Variants in TCF20 observed in about 807,000 individuals in gnomAD.
TCF20 encodes the protein SPRE-binding protein.
A neutral mutation model predicts 148.6 loss-of-function variants in TCF20; 3 were observed. That is an observed-to-expected ratio of 0.02 (90% CI 0.01 to 0.05). The LOEUF is 0.05. Among genes scored for constraint, TCF20 ranks in the 10% least tolerant of loss-of-function variants. TCF20 has a pLI of 1.00. For missense variants in TCF20, 2,350 were observed against 2,429.3 expected, an observed-to-expected ratio of 0.97 and a Z score of 0.69; for synonymous variants, 1,049 against 909.5, an observed-to-expected ratio of 1.15 and a Z score of -2.76.
intron 1 of TCF20, among the ~76,000 whole-genome samples, chr22:42,238,975 A>G (rs151300565): frequency 0.2 from 30,034 of 151,468 alleles, 3,149 homozygotes; most frequent in East Asian, 0.35. Flanking sequence ...AAAATTAGCC[A>G]GGTGTGATGG....
rs753278925 is a variant in TCF20 at position 42,209,693 on chromosome 22, C to G, written c.5613G>C (p.Arg1871Ser). The change falls in exon 2 of 6, where the codon AGG becomes AGC. Residue 1871 changes from arginine (R) to serine (S), a missense_variant. By Grantham distance (110) the Arg-to-Ser change is moderately radical (BLOSUM62 -1). Transcript: ENST00000677622. ...WANGIYLVCG[R>S]LYGLQEALEI... ...CCAGCGCTTCCTGCAGGCCATAGAG[C>G]CTGCCACAAACCAGGTAGATTCCAT... 2 of 1,614,150 alleles carry G rather than the reference C, an allele frequency of 1.2e-6. No homozygotes were observed. Among genetic ancestry groups the G allele is most frequent in the Non-Finnish European group, 1.7e-6 (2 of 1,179,984 alleles).
In TCF20 at chr22:42,183,652, C is replaced by A. The variant is rs143565445; in HGVS notation, c.5656-3950G>T. On this transcript the variant is annotated intron_variant, in intron 2 of 5. Coordinates refer to ENST00000677622, the MANE Select transcript of TCF20 (RefSeq NM_001378418.1). ...TAAGACACCTGTGTTGGACTTTGAA[C>A]CTACAGAACTGTAAGCAGAACTGTA... 4.6e-3 allele frequency among the ~76,000 whole-genome samples: 700 copies of A among 152,304 alleles called. 12 individuals are homozygous for A. The highest frequency in any genetic ancestry group is 0.016 in the African/African-American group (671 of 41,566).
intron 1 of TCF20, among the ~76,000 whole-genome samples, chr22:42,327,565 C>T (rs1358926310): frequency 6.6e-6 from 1 of 152,138 alleles, no homozygotes; most frequent in African/African-American, 2.4e-5. Context: ...AGACACTTCA[C>T]ACACATTCCC....
chr22:42,317,337 G>C lies in TCF20; in HGVS notation c.-37+26142C>G, dbSNP rs1927649622. Among the ~76,000 whole-genome samples the C allele has an allele frequency of 6.6e-6, 1 of 152,176 alleles. No homozygotes were observed. The highest frequency in any genetic ancestry group is 2.1e-4 in the South Asian group (1 of 4,834). ...ATTTCACCTCGCCCAGAAATTTACT[G>C]CAAGTTCTCAAGTCTCCCTAGAGTG... On this transcript the variant is annotated intron_variant, in intron 1 of 1. Coordinates refer to the TCF20 transcript ENST00000515426. This position sits in a 1 kb window ranked among gnomAD's most constrained non-coding sequence, Gnocchi z 4.2.
upstream of TCF20, chr22:42,274,624 A>G (rs138746881): frequency 2.2e-4 from 34 of 152,374 alleles, no homozygotes; most frequent in African/African-American, 8.2e-4. Context: ...GCCTTAGAGC[A>G]TTGACATGTT....
At chr22:42,198,719 T>G (rs911877129) in intron 2 of TCF20, among the ~76,000 whole-genome samples, 1 of 151,280 alleles carries the variant, frequency 6.6e-6, no homozygotes, top group African/African-American at 2.4e-5. Context: ...TGGAGTGCAG[T>G]GGCGTGATCT....
At chr22:42,324,104 T>C (rs376849086) in intron 1 of TCF20, among the ~76,000 whole-genome samples, 17 of 104,540 alleles carry the variant, frequency 1.6e-4, no homozygotes, top group South Asian at 3.3e-4. Context: ...GAGGTTATGG[T>C]GGTGGTGGTG....
At chr22:42,226,860 GAAAC>G (rs1922954552) in intron 1 of TCF20, among the ~76,000 whole-genome samples, 1 of 152,106 alleles carries the variant, frequency 6.6e-6, no homozygotes, top group Non-Finnish European at 1.5e-5. Flanking sequence ...CAAAAGGAAA[GAAAC>G]AAACTAGCAG....
At chr22:42,266,198 G>A (rs1440069097) in intron 1 of TCF20, among the ~76,000 whole-genome samples, 1 of 152,172 alleles carries the variant, frequency 6.6e-6, no homozygotes, top group African/African-American at 2.4e-5. Context: ...AGGCTCTGGA[G>A]CCAACAGCAG....
rs577322685 is a variant in TCF20, at chr22:42,338,861, G to A, written c.-37+4618C>T. On this transcript the variant is annotated intron_variant, in intron 1 of 1. Coordinates refer to the TCF20 transcript ENST00000515426. This position sits in a 1 kb window ranked among gnomAD's most constrained non-coding sequence, Gnocchi z 4.0. ...CCTTCAGATGCATTATAAATATAAA[G>A]GCTAAAATTCTGATTAAAGCCATAA... Among the ~76,000 whole-genome samples the A allele has an allele frequency of 6.6e-6, 1 of 152,238 alleles. No individual in the cohort carries two copies. The highest frequency in any genetic ancestry group is 2.1e-4 in the South Asian group (1 of 4,826).
rs59845847 is a variant in TCF20 at position 42,199,706 on chromosome 22, C to CAAAAAA, written c.5655+9939_5655+9944dup. On this transcript the variant is annotated intron_variant, in intron 2 of 5. Transcript: ENST00000677622. ...CTAACATGGCAAAACCCCATCTCTACAAAAAAAAAAAAAAAAAAAAAAAAA... is the reference window on the plus strand; with the variant it reads ...CTAACATGGCAAAACCCCATCTCTACAAAAAAAAAAAAAAAAAAAAAAAAAAAAAAA... Among the ~76,000 whole-genome samples the CAAAAAA allele has an allele frequency of 2.3e-3, 78 of 33,846 alleles. 10 individuals are homozygous for CAAAAAA. The highest frequency in any genetic ancestry group is 3.0e-3 in the Admixed American group (6 of 2,014). 22.2% of individuals were successfully genotyped at this position (33,846 alleles called of 152,430 possible).
At chr22:42,230,968 G>C (rs960489603) in intron 1 of TCF20, among the ~76,000 whole-genome samples, 3 of 152,120 alleles carry the variant, frequency 2.0e-5, no homozygotes, top group African/African-American at 7.2e-5. Flanking sequence ...AGACCAGCCT[G>C]GCCAACACGG....
chr22:42,211,179 C>G lies in TCF20; in HGVS notation c.4127G>C (p.Gly1376Ala). Residue 1376 changes from glycine (G) to alanine (A), a missense_variant, in exon 2 of 6, where the codon GGG becomes GCG. Physicochemically the swap from Gly to Ala is moderately conservative, Grantham distance 60 (BLOSUM62 0). This residue lies in a region of TCF20 where 231 missense variants were observed against 213.7 expected (regional missense o/e 1.08). Coordinates refer to ENST00000677622, the MANE Select transcript of TCF20 (RefSeq NM_001378418.1). The part of the protein sequence containing the change: ...RSASSNSAEA[G>A]GDTVTLDDIL... ...ATCATCAAGCGTAACCGTGTCTCCC[C>G]CAGCCTCCGCACTGTTCGAAGATGC... 6.2e-7 allele frequency: 1 copy of G among 1,614,198 alleles called. No homozygotes were observed. The highest frequency in any genetic ancestry group is 8.5e-7 in the Non-Finnish European group (1 of 1,180,042).
intron 1 of TCF20, among the ~76,000 whole-genome samples, chr22:42,282,573 G>A (rs1926925311): frequency 6.6e-6 from 1 of 152,240 alleles, no homozygotes. Context: ...CTCGGTCCCA[G>A]GTTCTCGGTC....
At chr22:42,162,081 A>G (rs565665037) in intron 5 of TCF20, among the ~76,000 whole-genome samples, 1 of 141,888 alleles carries the variant, frequency 7.0e-6, no homozygotes, top group East Asian at 2.1e-4. Flanking sequence ...CCTGGGTTCA[A>G]GTGATTCTTG....
At chr22:42,202,467 A>T (rs1402783414) in intron 2 of TCF20, among the ~76,000 whole-genome samples, 2 of 152,234 alleles carry the variant, frequency 1.3e-5, no homozygotes, top group Non-Finnish European at 1.5e-5. Context: ...CTCGCAAGGA[A>T]ACAACAAGTC....
intron 1 of TCF20, among the ~76,000 whole-genome samples, chr22:42,260,365 A>G (rs1269838709): frequency 1.3e-5 from 2 of 152,192 alleles, no homozygotes; most frequent in South Asian, 2.1e-4. Flanking sequence ...CATTTTAGGA[A>G]GGCAATTGAC....
chr22:42,332,006 G>A (rs566652847), intron 1 of TCF20, among the ~76,000 whole-genome samples: 3 of 152,374 alleles, frequency 2.0e-5, no homozygotes, highest in East Asian at 3.9e-4. Context: ...AGGACTTGCT[G>A]AAGGAACAGA....
chr22:42,164,107 G>A (rs2147034250), intron 5 of TCF20, among the ~76,000 whole-genome samples: 1 of 152,226 alleles, frequency 6.6e-6, no homozygotes, highest in East Asian at 1.9e-4. Flanking sequence ...TCCGACTAGA[G>A]AGGGAGGATA....
Sources: allele counts gnomAD v4.1 joint callset (sites outside exome capture counted in the v4.1 genomes callset), GRCh38; gene constraint gnomAD v4.1.1; regional missense constraint gnomAD v4.1.1; non-coding constraint Gnocchi (gnomAD v3.1); transcripts MANE v1.5; gene names NCBI Gene and HGNC (gene_info 2026-07-23, HGNC 2026-07-21).